The following NCKAP5 variants were observed in gnomAD, a reference collection of about 807,000 sequenced individuals.
NCKAP5 encodes the protein nck-associated protein 5.
Under a neutral mutation model 167.0 loss-of-function variants are expected in NCKAP5, and 92 were observed. The observed-to-expected ratio is 0.55, with a 90% CI of 0.47 to 0.66. The LOEUF (loss-of-function observed/expected upper bound fraction) is 0.66. Ranked by LOEUF, NCKAP5 falls within the 30% of genes least tolerant of loss-of-function variation. The probability of loss-of-function intolerance (pLI) is 0.00; values close to 1 mark genes in which losing one functional copy is unlikely to be tolerated. For synonymous variants in NCKAP5, 891 were observed against 877.4 expected (o/e 1.02, Z -0.27); for missense variants, 2,378 against 2,315.0 (o/e 1.03, Z -0.56).
chr2:133,516,106 C>G lies in NCKAP5; in HGVS notation c.69+1352G>C, dbSNP rs188990100. 5.4e-3 allele frequency among the ~76,000 whole-genome samples: 826 copies of G among 152,314 alleles called. 13 individuals are homozygous for G. The highest frequency in any genetic ancestry group is 0.038 in the Admixed American group (574 of 15,302). On this transcript the variant is annotated intron_variant, in intron 3 of 19. Coordinates refer to ENST00000409261, the MANE Select transcript of NCKAP5 (RefSeq NM_207363.3). ...CTTGAGCTGCTCACATCATACCCTA[C>G]GGCTGTCTCTGTCCTTAGCCTAGGC...
At chr2:132,701,526 G>A (rs533109859) in intron 19 of NCKAP5, among the ~76,000 whole-genome samples, 1 of 151,614 alleles carries the variant, frequency 6.6e-6, no homozygotes, top group Admixed American at 6.6e-5. Flanking sequence ...ATCAGATACT[G>A]CTGCTGCTGC....
At chr2:132,803,015 T>A in intron 11 of NCKAP5, among the ~76,000 whole-genome samples, 1 of 152,310 alleles carries the variant, frequency 6.6e-6, no homozygotes, top group East Asian at 1.9e-4. Flanking sequence ...CATAACTGAG[T>A]ATTATATGGT....
chr2:132,796,705 G>C lies in NCKAP5; in HGVS notation c.832C>G (p.Leu278Val). The C allele has an allele frequency of 6.2e-7, 1 of 1,613,056 alleles. No homozygotes were observed. Among genetic ancestry groups the C allele is most frequent in the Non-Finnish European group, 8.5e-7 (1 of 1,179,382 alleles). The change falls in exon 12 of 20, where the codon CTT (leucine) becomes GTT (valine). Residue 278 changes from leucine (L) to valine (V), a missense_variant. By Grantham distance (32) the Leu-to-Val change is conservative (BLOSUM62 1). Around this residue, in one of 3 missense-constraint regions of NCKAP5, gnomAD observed 1,049 missense variants for 1,023.4 expected, o/e 1.02. Transcript: ENST00000409261. ...TCTGAAAGCAAATCTCCAGATGAAA[G>C]ATCCAAGAGACGTGAGTGAAGTTTC... ...LQKLHSRLLD[L>V]SSGDLLSEVE...
At chr2:133,074,806 A>T (rs1320571252) in intron 6 of NCKAP5, among the ~76,000 whole-genome samples, 1 of 152,176 alleles carries the variant, frequency 6.6e-6, no homozygotes, top group Non-Finnish European at 1.5e-5. Flanking sequence ...TAAACAATAG[A>T]CAGCAAAAAA....
chr2:133,504,762 A>C (rs1342901266), intron 3 of NCKAP5, among the ~76,000 whole-genome samples: 1 of 152,196 alleles, frequency 6.6e-6, no homozygotes, highest in African/African-American at 2.4e-5. Context: ...GGGTTGGTGC[A>C]TTCCTGGGGC....
intron 4 of NCKAP5, among the ~76,000 whole-genome samples, chr2:133,261,430 G>A (rs980393425): frequency 1.3e-5 from 2 of 152,096 alleles, no homozygotes; most frequent in Non-Finnish European, 2.9e-5. Flanking sequence ...CTATTTCACA[G>A]ATATCAATAC....
At chr2:133,094,760 T>C (rs892508991) in intron 6 of NCKAP5, among the ~76,000 whole-genome samples, 1 of 152,214 alleles carries the variant, frequency 6.6e-6, no homozygotes, top group Admixed American at 6.5e-5. Flanking sequence ...AATCTAATCA[T>C]ACATGCCCTT....
At chr2:132,855,087 C>T (rs1689359708) in intron 11 of NCKAP5, among the ~76,000 whole-genome samples, 1 of 152,140 alleles carries the variant, frequency 6.6e-6, no homozygotes, top group South Asian at 2.1e-4. Flanking sequence ...ATAGCTCTTA[C>T]TTGATCCCAA....
chr2:132,785,221 G>GGGCCTTCCCAA lies in NCKAP5; in HGVS notation c.1589_1590insTTGGGAAGGCC (p.Lys531TrpfsTer11). Reference sequence around the variant, plus strand: ...TTGTCAGCTTTTCAGGCCTTTCCTTGGGATAAACTGAGGATGTGCCTTCCA... The same window carrying GGGCCTTCCCAA: ...TTGTCAGCTTTTCAGGCCTTTCCTTGGGCCTTCCCAAGGATAAACTGAGGATGTGCCTTCCA... On this transcript the variant is annotated frameshift_variant, in exon 14 of 20. Coordinates refer to ENST00000409261, the MANE Select transcript of NCKAP5 (RefSeq NM_207363.3). LOFTEE classifies it high-confidence loss of function. The GGGCCTTCCCAA allele has an allele frequency of 6.4e-7, 1 of 1,569,290 alleles. No homozygotes were observed. The highest frequency in any genetic ancestry group is 1.4e-5 in the African/African-American group (1 of 73,118).
chr2:133,387,181 T>C (rs969684036), intron 3 of NCKAP5, among the ~76,000 whole-genome samples: 1 of 152,192 alleles, frequency 6.6e-6, no homozygotes, highest in Non-Finnish European at 1.5e-5. Flanking sequence ...CAGTGGCTGG[T>C]ACTGGTTGTT....
intron 7 of NCKAP5, among the ~76,000 whole-genome samples, chr2:132,976,425 A>G (rs938331617): frequency 3.9e-5 from 6 of 152,024 alleles, no homozygotes; most frequent in Non-Finnish European, 8.8e-5. Flanking sequence ...TTAGCCGGGC[A>G]TGGTGGCACA....
chr2:132,796,062 T>C (rs1684580582), intron 12 of NCKAP5, among the ~76,000 whole-genome samples: 1 of 152,172 alleles, frequency 6.6e-6, no homozygotes, highest in Non-Finnish European at 1.5e-5. Context: ...GATGGAATTA[T>C]TCAGTAAAAT....
intron 3 of NCKAP5, among the ~76,000 whole-genome samples, chr2:133,339,171 C>T: frequency 6.6e-6 from 1 of 152,138 alleles, no homozygotes; most frequent in Middle Eastern, 3.2e-3. Context: ...TTCCTTGTTT[C>T]TCCTTTCTTA....
chr2:133,487,189 G>A (rs918559188), intron 3 of NCKAP5, among the ~76,000 whole-genome samples: 7 of 152,158 alleles, frequency 4.6e-5, no homozygotes, highest in East Asian at 1.9e-4. Context: ...TTCAACATTC[G>A]TGTGCCTTCA....
chr2:133,622,759 G>A, the NCKAP5 span, among the ~76,000 whole-genome samples: 40,692 of 151,722 alleles, frequency 0.27, 8,426 homozygotes, highest in African/African-American at 0.56. Flanking sequence ...ATTCAATGCA[G>A]TTCTCATGAC....
At chr2:133,572,687 T>C (rs35740184), upstream of NCKAP5, among the ~76,000 whole-genome samples, 3,920 of 152,282 alleles carry the variant, frequency 0.026, 82 homozygotes, top group South Asian at 0.059. Context: ...CCTGAGGCCA[T>C]CCAGTCTGCT....
chr2:133,449,897 G>T (rs574802168), intron 3 of NCKAP5, among the ~76,000 whole-genome samples: 1 of 150,848 alleles, frequency 6.6e-6, no homozygotes, highest in African/African-American at 2.4e-5. Flanking sequence ...CACAATTTTT[G>T]TGGGTTGAAG....
intron 5 of NCKAP5, among the ~76,000 whole-genome samples, chr2:133,192,458 T>C (rs2085268274): frequency 6.6e-6 from 1 of 152,074 alleles, no homozygotes; most frequent in Non-Finnish European, 1.5e-5. Context: ...GTTAAGAGGA[T>C]GTAAATCAGT....
chr2:133,343,948 T>C (rs539205777), intron 3 of NCKAP5, among the ~76,000 whole-genome samples: 1 of 152,294 alleles, frequency 6.6e-6, no homozygotes, highest in South Asian at 2.1e-4. Flanking sequence ...CAGTTAACTC[T>C]CTGGAGCAGT....
Sources: allele counts gnomAD v4.1 joint callset (sites outside exome capture counted in the v4.1 genomes callset), GRCh38; gene constraint gnomAD v4.1.1; regional missense constraint gnomAD v4.1.1; transcripts MANE v1.5; gene names NCBI Gene and HGNC (gene_info 2026-07-23, HGNC 2026-07-21).